PHF8: variants seen among roughly 807,000 people sequenced by gnomAD.
PHF8 encodes histone lysine demethylase PHF8.
Under a neutral mutation model 74.4 loss-of-function variants are expected in PHF8, and 9 were observed. The observed-to-expected ratio is 0.12, with a 90% CI of 0.07 to 0.21. The LOEUF (loss-of-function observed/expected upper bound fraction) is 0.21. Ranked by LOEUF, PHF8 falls within the 10% of genes least tolerant of loss-of-function variation. PHF8 has a pLI of 1.00. For synonymous variants in PHF8, 311 were observed against 316.6 expected, an observed-to-expected ratio of 0.98 and a Z score of 0.19; for missense variants, 478 against 816.6, an observed-to-expected ratio of 0.59 and a Z score of 5.05.
intron 2 of PHF8, among the ~76,000 whole-genome samples, chrX:54,028,051 G>A (rs1194860306): frequency 9.1e-6 from 1 of 109,973 alleles, no homozygotes; most frequent in Non-Finnish European, 1.9e-5. Flanking sequence ...GGTAGTGAGG[G>A]TGAAATATTA....
intron 6 of PHF8, 139 bp downstream of exon 6, chrX:54,016,456 T>G: frequency 1.9e-6 from 1 of 515,241 alleles, no homozygotes; most frequent in Non-Finnish European, 3.3e-6. Flanking sequence ...ATCGTGCCAC[T>G]GTACTCCAGC....
intron 18 of PHF8, among the ~76,000 whole-genome samples, chrX:53,978,826 T>G: frequency 9.4e-6 from 1 of 106,607 alleles, no homozygotes; most frequent in Non-Finnish European, 1.9e-5. Context: ...GGCATTATGG[T>G]AAGCAAAAGA....
chrX:54,030,581 C>T (rs993116280), intron 2 of PHF8, among the ~76,000 whole-genome samples: 10 of 111,890 alleles, frequency 8.9e-5, no homozygotes, highest in African/African-American at 3.3e-4. Flanking sequence ...AAAACAGTTT[C>T]GTAAGTGCTA....
chrX:54,028,809 C>T (rs190492766), intron 2 of PHF8, among the ~76,000 whole-genome samples: 1 of 111,868 alleles, frequency 8.9e-6, no homozygotes, highest in East Asian at 2.8e-4. Context: ...TCCACTATAC[C>T]CTGAAGTAGA....
intron 8 of PHF8, among the ~76,000 whole-genome samples, chrX:54,006,674 G>A (rs1366247819): frequency 9.0e-6 from 1 of 111,404 alleles, no homozygotes. Context: ...TGTGGCTGAC[G>A]CCTGTAATCC....
chrX:54,044,027 T>C lies in PHF8; in HGVS notation c.-358A>G, dbSNP rs2066607985. 1 of 754,141 alleles carries C rather than the reference T, an allele frequency of 1.3e-6. No homozygotes were observed. Among genetic ancestry groups the C allele is most frequent in the African/African-American group, 2.3e-5 (1 of 43,705 alleles). 62.1% of individuals were successfully genotyped at this position (754,141 alleles called of 1,213,427 possible). A position where few individuals can be genotyped will look rare whatever the true frequency, so the allele number is the denominator to read the frequency against. On this transcript the variant is annotated 5_prime_UTR_variant, in exon 1 of 22. Transcript: ENST00000338154. ...GATAGTCCCCGTACCGCCGGGAACC[T>C]CGCTCGCCTTCCCCTCGAGCCCCCC...
intron 19 of PHF8, among the ~76,000 whole-genome samples, chrX:53,949,117 G>A (rs2064878735): frequency 9.0e-6 from 1 of 111,346 alleles, no homozygotes; most frequent in Non-Finnish European, 1.9e-5. Context: ...CGGATCACCT[G>A]AGGTCAGGAG....
chrX:54,042,374 G>T (rs1308959532), intron 2 of PHF8, among the ~76,000 whole-genome samples: 2 of 58,543 alleles, frequency 3.4e-5, no homozygotes, highest in East Asian at 9.9e-4. Flanking sequence ...GAAAGAAAAG[G>T]GGGGGGGGGT....
At chrX:53,944,368 C>A in intron 19 of PHF8, 125 bp from the exon 20 acceptor site, 1 of 503,527 alleles carries the variant, frequency 2.0e-6, no homozygotes, top group Non-Finnish European at 3.4e-6. Context: ...TTTTATGAAG[C>A]CAGATTTTGC....
intron 19 of PHF8, among the ~76,000 whole-genome samples, chrX:53,959,433 G>C (rs1256380311): frequency 9.0e-6 from 1 of 111,091 alleles, no homozygotes; most frequent in Admixed American, 9.7e-5. Flanking sequence ...ATTTAGTGTG[G>C]TGAATAACTT....
chrX:54,017,698 C>T lies in PHF8; in HGVS notation c.417G>A (p.Ser139=), dbSNP rs371022641. ...KKDGLGMTLP[S]PSFTVRDVEH... ...CAACATCCCTCACAGTGAATGATGG[C>T]GAGGGCAGCGTCATGCCCAACCCAT... Residue 139 remains serine (S), a synonymous_variant, in exon 5 of 22, where the codon TCG becomes TCA. Coordinates refer to ENST00000338154, the MANE Select transcript of PHF8 (RefSeq NM_015107.3). 9.1e-6 allele frequency: 11 copies of T among 1,205,876 alleles called. No homozygotes were observed. The highest frequency in any genetic ancestry group is 2.3e-4 in the Middle Eastern group (1 of 4,358).
intron 2 of PHF8, among the ~76,000 whole-genome samples, chrX:54,026,092 G>A (rs189817817): frequency 1.1e-3 from 126 of 111,635 alleles, no homozygotes; most frequent in African/African-American, 4.0e-3. Context: ...GGTGGCTCAC[G>A]CCTGTAATCC....
intron 2 of PHF8, among the ~76,000 whole-genome samples, chrX:54,033,858 G>A (rs2066404309): frequency 9.0e-6 from 1 of 111,418 alleles, no homozygotes; most frequent in Non-Finnish European, 1.9e-5. Flanking sequence ...AGGAGGTGGA[G>A]GTTGAAGTGA....
intron 19 of PHF8, among the ~76,000 whole-genome samples, chrX:53,960,296 C>G (rs1417190697): frequency 9.3e-6 from 1 of 106,955 alleles, no homozygotes; most frequent in Non-Finnish European, 1.9e-5. Flanking sequence ...AGGATGGTCT[C>G]GATCTCCTGA....
intron 10 of PHF8, 35 bp from the exon 11 acceptor site, chrX:53,999,996 A>C: frequency 1.1e-6 from 1 of 927,040 alleles, no homozygotes; most frequent in Non-Finnish European, 1.6e-6. Flanking sequence ...AGTGTCAACA[A>C]AGCCATGCAG....
chrX:53,966,237 C>T (rs1238115467), intron 18 of PHF8, among the ~76,000 whole-genome samples: 1 of 111,323 alleles, frequency 9.0e-6, no homozygotes. Flanking sequence ...CCTCTCCCCA[C>T]GGTCTCCCTC....
At chrX:54,021,543 A>G (rs1336151358) in intron 4 of PHF8, among the ~76,000 whole-genome samples, 3 of 85,533 alleles carry the variant, frequency 3.5e-5, no homozygotes, top group African/African-American at 1.4e-4. Flanking sequence ...ATCTCGGCTC[A>G]CTGCAAGCTC....
Position 53,987,913 on chromosome X carries a change from G to A in PHF8, c.1762C>T (p.Arg588Trp), listed in dbSNP as rs782148797. ...ACCTTCTTTGCTATCTTGGTTCGCC[G>A]AGATTTGGATAAACTCTTCACCCTT... Reference protein sequence around the residue: ...TKRVKSLSKSRRTKIAKKVDK... With the variant: ...TKRVKSLSKSWRTKIAKKVDK... Residue 588 changes from arginine to tryptophan, a missense_variant, in exon 15 of 22, where the codon CGG (arginine) becomes TGG (tryptophan). Physicochemically the swap from Arg to Trp is moderately radical, Grantham distance 101. This residue lies in a region of PHF8 where 153 missense variants were observed against 164.8 expected (regional missense o/e 0.93). Transcript: ENST00000338154. The A allele has an allele frequency of 2.5e-6, 3 of 1,207,980 alleles. No homozygotes were observed. The highest frequency in any genetic ancestry group is 4.4e-5 in the Admixed American group (2 of 45,914).
At chrX:53,955,565 T>TC (rs2065001897) in intron 19 of PHF8, among the ~76,000 whole-genome samples, 1 of 103,129 alleles carries the variant, frequency 9.7e-6, no homozygotes, top group Admixed American at 1.1e-4. Context: ...TTCTTTTTTT[T>TC]TTTTTTTTTT....
Sources: gnomAD v4.1 joint callset for allele counts (sites outside exome capture counted in the v4.1 genomes callset) on GRCh38, gnomAD v4.1.1 for gene constraint, gnomAD v4.1.1 regional missense constraint, MANE v1.5 for transcripts, NCBI Gene and HGNC (gene_info 2026-07-23, HGNC 2026-07-21) for gene names.